The following PRRX2 variants were observed in gnomAD, a reference collection of about 807,000 sequenced individuals.
The protein encoded by PRRX2 is paired related homeobox 2.
In PRRX2, 11 loss-of-function variants were observed where a neutral mutation model predicts 18.0. The observed-to-expected ratio is 0.61, with a 90% CI of 0.39 to 1.01. PRRX2 has a LOEUF of 1.01. PRRX2 is among the 50% of genes least tolerant of loss of function. The pLI is 0.01. For missense variants in PRRX2, 387 were observed against 351.0 expected (o/e 1.10, Z -0.82); for synonymous variants, 177 against 154.8 (o/e 1.14, Z -1.06).
chr9:129,717,865 A>G (rs899275277), intron 1 of PRRX2, among the ~76,000 whole-genome samples: 2 of 152,118 alleles, frequency 1.3e-5, no homozygotes, highest in Non-Finnish European at 2.9e-5. Flanking sequence ...TTAATGAGAA[A>G]AAATCAGATA....
At chr9:129,685,048 C>T (rs1218549650) in intron 1 of PRRX2, among the ~76,000 whole-genome samples, 1 of 152,234 alleles carries the variant, frequency 6.6e-6, no homozygotes, top group African/African-American at 2.4e-5. Context: ...CAGTGTGCCA[C>T]TGACGCCCCT....
chr9:129,720,163 G>T (rs888479574), intron 2 of PRRX2, among the ~76,000 whole-genome samples: 1 of 147,476 alleles, frequency 6.8e-6, no homozygotes, highest in Non-Finnish European at 1.5e-5. Flanking sequence ...CTCAGCAAGC[G>T]CCTCTCCCCG....
intron 1 of PRRX2, among the ~76,000 whole-genome samples, chr9:129,692,160 G>T (rs1163860316): frequency 6.6e-6 from 1 of 151,810 alleles, no homozygotes; most frequent in Admixed American, 6.6e-5. Flanking sequence ...GTGTTGACCA[G>T]GCTGGTCTCG....
rs1832153807 is a variant in PRRX2, at chr9:129,675,602, C to T, written c.259+9476C>T. Among the ~76,000 whole-genome samples, 1 of 152,122 alleles carries T rather than the reference C, an allele frequency of 6.6e-6. No homozygotes were observed. Among genetic ancestry groups the T allele is most frequent in the South Asian group, 2.1e-4 (1 of 4,832 alleles). On this transcript the variant is annotated intron_variant, in intron 1 of 3. Coordinates refer to ENST00000372469, the MANE Select transcript of PRRX2 (RefSeq NM_016307.4). This position sits in a 1 kb window ranked among gnomAD's most constrained non-coding sequence, Gnocchi z 4.4. The stretch of plus-strand genomic sequence containing the variant: ...CGGCTGCCTTGCCCCAGACTTTGTC[C>T]TCCTGCCCCCACCCCCGCCTCCCTG...
intron 1 of PRRX2, chr9:129,712,806 G>A (rs1458974004): frequency 1.3e-5 from 2 of 152,182 alleles, no homozygotes; most frequent in Non-Finnish European, 1.5e-5. Context: ...GAGACTCTGG[G>A]CACGGCCCTC....
At chr9:129,706,160 C>G (rs1236463834) in intron 1 of PRRX2, among the ~76,000 whole-genome samples, 1 of 152,156 alleles carries the variant, frequency 6.6e-6, no homozygotes, top group Non-Finnish European at 1.5e-5. Flanking sequence ...AGTGCACAGT[C>G]CAGGGCCGGA....
At chr9:129,696,433 G>A (rs1455056346) in intron 1 of PRRX2, among the ~76,000 whole-genome samples, 1 of 151,998 alleles carries the variant, frequency 6.6e-6, no homozygotes, top group Non-Finnish European at 1.5e-5. Context: ...AAATTGGCCA[G>A]GCGTGGTAGT....
chr9:129,686,658 A>G (rs1243765866), intron 1 of PRRX2, among the ~76,000 whole-genome samples: 3 of 152,162 alleles, frequency 2.0e-5, no homozygotes, highest in African/African-American at 7.2e-5. Flanking sequence ...ATTACAGGCT[A>G]CAGCCACCAC....
chr9:129,673,690 G>C (rs955428579), intron 1 of PRRX2, among the ~76,000 whole-genome samples: 1 of 146,250 alleles, frequency 6.8e-6, no homozygotes, highest in African/African-American at 2.5e-5. Context: ...GCACACACAC[G>C]CCCCTCATCA....
intron 1 of PRRX2, among the ~76,000 whole-genome samples, chr9:129,672,332 C>T (rs1832109936): frequency 6.6e-6 from 1 of 152,190 alleles, no homozygotes; most frequent in Non-Finnish European, 1.5e-5. Flanking sequence ...TGCATGTCGG[C>T]TGGGGCATCA....
chr9:129,708,007 C>T (rs561233850), intron 1 of PRRX2, among the ~76,000 whole-genome samples: 8 of 152,262 alleles, frequency 5.3e-5, no homozygotes, highest in Non-Finnish European at 1.0e-4. Context: ...AGTTTCTCCA[C>T]TTCCTGGCCA....
At position 129,665,954 on chromosome 9, in the gene PRRX2, C is replaced by T; in HGVS notation, c.87C>T (p.Gly29=). 2 of 1,138,138 alleles carry T rather than the reference C, an allele frequency of 1.8e-6. No homozygotes were observed. Among genetic ancestry groups the T allele is most frequent in the South Asian group, 2.2e-5 (1 of 44,492 alleles). 70.5% of individuals were successfully genotyped at this position (1,138,138 alleles called of 1,614,324 possible). A position where few individuals can be genotyped will look rare whatever the true frequency, so the allele number is the denominator to read the frequency against. The change falls in exon 1 of 4, where the codon GGC becomes GGT. Residue 29 remains glycine, a synonymous_variant. Coordinates refer to ENST00000372469, the MANE Select transcript of PRRX2 (RefSeq NM_016307.4). The surrounding 1 kb of genome is among the most constrained non-coding windows in gnomAD (Gnocchi z 5.3). The part of the protein sequence containing the change: ...PPPPPPALGP[G]DCAQARKNFS... ...CGCCTCCACCCGCGCTGGGGCCCGG[C>T]GACTGCGCCCAGGCGCGCAAGAACT...
intron 2 of PRRX2, 86 bp from the exon 3 acceptor site, chr9:129,720,510 G>A (rs1294166265): frequency 1.5e-6 from 2 of 1,323,618 alleles, no homozygotes; most frequent in African/African-American, 1.5e-5. Context: ...GCCCTGGGCT[G>A]GTGACAGAGC....
At chr9:129,720,275 C>T (rs2909200) in intron 2 of PRRX2, among the ~76,000 whole-genome samples, 2 of 149,484 alleles carry the variant, frequency 1.3e-5, no homozygotes, top group South Asian at 2.1e-4. Context: ...GCAAGCGCCT[C>T]TCCCCCCGAG....
chr9:129,710,534 C>G (rs1003723108), intron 1 of PRRX2, among the ~76,000 whole-genome samples: 41 of 152,146 alleles, frequency 2.7e-4, no homozygotes, highest in African/African-American at 9.2e-4. Context: ...GAGATCGAGA[C>G]CATCCTGGCC....
chr9:129,677,763 C>T (rs2009028), intron 1 of PRRX2, among the ~76,000 whole-genome samples: 4 of 152,138 alleles, frequency 2.6e-5, no homozygotes, highest in Non-Finnish European at 5.9e-5. Flanking sequence ...CACATCCCTG[C>T]GGGAGGAGAG....
In PRRX2 at chr9:129,702,491, A is replaced by G. The variant is rs370690330; in HGVS notation, c.260-16740A>G. 2.3e-3 allele frequency among the ~76,000 whole-genome samples: 352 copies of G among 151,898 alleles called. 1 individual carries two copies. Among genetic ancestry groups the G allele is most frequent in the African/African-American group, 7.9e-3 (329 of 41,424 alleles). ...TGTGGCGGCCACTGGCCATGTGTGGATATTGAGCCCTTGAAATGTGGCCTG... is the reference window on the plus strand; with the variant it reads ...TGTGGCGGCCACTGGCCATGTGTGGGTATTGAGCCCTTGAAATGTGGCCTG... On this transcript the variant is annotated intron_variant, in intron 1 of 3. Transcript: ENST00000372469.
intron 3 of PRRX2, among the ~76,000 whole-genome samples, chr9:129,721,752 T>C (rs530669210): frequency 6.6e-6 from 1 of 152,284 alleles, no homozygotes; most frequent in South Asian, 2.1e-4. Context: ...GCTAATTGTT[T>C]GTATTTTTAG....
chr9:129,720,498 C>A, intron 2 of PRRX2, 98 bp from the exon 3 acceptor site: 1 of 1,229,154 alleles, frequency 8.1e-7, no homozygotes, highest in Non-Finnish European at 1.1e-6. Flanking sequence ...GTGACGCTGC[C>A]AGCCCTGGGC....
Sources: gnomAD v4.1 joint callset for allele counts (sites outside exome capture counted in the v4.1 genomes callset) on GRCh38, gnomAD v4.1.1 for gene constraint, Gnocchi (gnomAD v3.1) non-coding constraint, MANE v1.5 for transcripts, NCBI Gene and HGNC (gene_info 2026-07-23, HGNC 2026-07-21) for gene names.